The following FBXL2 variants were observed in gnomAD, a reference collection of about 807,000 sequenced individuals.
FBXL2 encodes F-box/LRR-repeat protein 2.
Under a neutral mutation model 69.2 loss-of-function variants are expected in FBXL2, and 38 were observed. The ratio of observed to expected loss-of-function variants is 0.55; its 90% confidence interval spans 0.42 to 0.72. The LOEUF (loss-of-function observed/expected upper bound fraction) is 0.72, where lower values mean the gene tolerates loss of function less well. FBXL2 is among the 30% of genes least tolerant of loss of function. The pLI is 0.00. For missense variants in FBXL2, 354 were observed against 520.3 expected, an observed-to-expected ratio of 0.68 and a Z score of 3.11; for synonymous variants, 192 against 201.3, an observed-to-expected ratio of 0.95 and a Z score of 0.39.
At chr3:33,352,934 C>T (rs1268847825) in intron 2 of FBXL2, among the ~76,000 whole-genome samples, 1 of 147,794 alleles carries the variant, frequency 6.8e-6, no homozygotes, top group Non-Finnish European at 1.5e-5. Flanking sequence ...CAAAAAAACC[C>T]ATCTCAATAG....
intron 5 of FBXL2, among the ~76,000 whole-genome samples, chr3:33,366,736 G>C (rs2041974112): frequency 6.6e-6 from 1 of 152,046 alleles, no homozygotes; most frequent in Non-Finnish European, 1.5e-5. Flanking sequence ...AGACTGAGGC[G>C]GGTGGATCAC....
the FBXL2 span, chr3:33,414,110 G>A: frequency 1.3e-5 from 2 of 152,056 alleles, no homozygotes; most frequent in South Asian, 2.1e-4. Flanking sequence ...ATAAAAGGAG[G>A]ACCAAAGTTA....
chr3:33,374,025 G>A, intron 9 of FBXL2, 104 bp downstream of exon 9: 3 of 995,418 alleles, frequency 3.0e-6, no homozygotes, highest in Non-Finnish European at 4.7e-6. Flanking sequence ...GATGGGCTGT[G>A]TTGCCACACC....
intron 2 of FBXL2, among the ~76,000 whole-genome samples, chr3:33,300,160 T>C (rs1185151636): frequency 1.3e-5 from 2 of 152,186 alleles, no homozygotes; most frequent in Non-Finnish European, 1.5e-5. Context: ...TTCTCATGCA[T>C]ACTTCTGCTG....
intron 1 of FBXL2, among the ~76,000 whole-genome samples, chr3:33,279,258 C>A (rs922858135): frequency 6.6e-6 from 1 of 151,906 alleles, no homozygotes; most frequent in Non-Finnish European, 1.5e-5. Flanking sequence ...TATATGTCAT[C>A]CCCAAAACTG....
chr3:33,342,016 T>C (rs1381925081), intron 2 of FBXL2, among the ~76,000 whole-genome samples: 1 of 143,894 alleles, frequency 6.9e-6, no homozygotes, highest in Non-Finnish European at 1.5e-5. Flanking sequence ...TTTTTTTTTT[T>C]TTTTTTGAGA....
At chr3:33,297,997 G>A (rs1333110810) in intron 2 of FBXL2, 1 of 439,278 alleles carries the variant, frequency 2.3e-6, no homozygotes, top group African/African-American at 2.0e-5. Context: ...AGGTGCCATT[G>A]TTTTGTTTTC....
Position 33,387,283 on chromosome 3 carries a change from G to GAATT in FBXL2, c.*1677_*1680dup, listed in dbSNP as rs1029254984. The stretch of plus-strand genomic sequence containing the variant: ...ATAACAGACTTGCTTCAGTGATTAT[G>GAATT]AATTAGTTTAGTTTCTATTAAAAAA... On this transcript the variant is annotated 3_prime_UTR_variant, in exon 15 of 15. Coordinates refer to ENST00000484457, the MANE Select transcript of FBXL2 (RefSeq NM_012157.5). 3 of 152,148 alleles carry GAATT rather than the reference G, an allele frequency of 2.0e-5. No individual in the cohort carries two copies. Among genetic ancestry groups the GAATT allele is most frequent in the African/African-American group, 7.2e-5 (3 of 41,418 alleles). The allele number at this position is 152,148 out of a possible 1,614,324, so 9.4% of individuals were successfully genotyped here. A position where few individuals can be genotyped will look rare whatever the true frequency, so the allele number is the denominator to read the frequency against.
At chr3:33,283,225 A>G (rs1361759626) in intron 1 of FBXL2, among the ~76,000 whole-genome samples, 2 of 152,156 alleles carry the variant, frequency 1.3e-5, no homozygotes, top group East Asian at 3.8e-4. Context: ...ATGTTCCATC[A>G]TTACCTAGTT....
At chr3:33,396,907 G>A in intron 12 of FBXL2, 1 of 804,646 alleles carries the variant, frequency 1.2e-6, no homozygotes, top group Non-Finnish European at 2.1e-6. Flanking sequence ...CAGTCTTCTT[G>A]TGAGCACAAT....
At chr3:33,342,501 T>C (rs892674415) in intron 2 of FBXL2, among the ~76,000 whole-genome samples, 1 of 151,628 alleles carries the variant, frequency 6.6e-6, no homozygotes, top group Non-Finnish European at 1.5e-5. Flanking sequence ...GAGTTTCTGA[T>C]AATGTTAGCA....
intron 2 of FBXL2, among the ~76,000 whole-genome samples, chr3:33,327,818 C>T (rs970439355): frequency 2.6e-5 from 4 of 152,010 alleles, no homozygotes; most frequent in Non-Finnish European, 5.9e-5. Flanking sequence ...CATTTATATT[C>T]AGCATGATAC....
chr3:33,368,214 G>C (rs772497578), intron 5 of FBXL2, among the ~76,000 whole-genome samples: 10 of 152,154 alleles, frequency 6.6e-5, no homozygotes, highest in Admixed American at 5.2e-4. Context: ...CAGTAGGTCA[G>C]GTTGGTTGAT....
intron 1 of FBXL2, among the ~76,000 whole-genome samples, chr3:33,280,962 A>G (rs918098106): frequency 3.3e-5 from 5 of 152,130 alleles, no homozygotes; most frequent in Non-Finnish European, 7.3e-5. Context: ...TGTGGTCAAG[A>G]CTTGTCACAG....
rs115832559 is a variant in FBXL2, at chr3:33,377,349, A to G, written c.849+16A>G. On this transcript the variant is annotated intron_variant, in intron 11 of 14. Coordinates refer to ENST00000484457, the MANE Select transcript of FBXL2 (RefSeq NM_012157.5). ...TTTAGCTCGGGTAAGGCATAGATTT[A>G]AAGAATACAACCAAACTCTAATTCA... 1 of 1,613,428 alleles carries G rather than the reference A, an allele frequency of 6.2e-7. No individual in the cohort carries two copies. The highest frequency in any genetic ancestry group is 8.5e-7 in the Non-Finnish European group (1 of 1,179,374).
At position 33,373,094 on chromosome 3, in the gene FBXL2, C is replaced by T. The variant is rs761739877; in HGVS notation, c.293C>T (p.Thr98Ile). Reference sequence around the variant, plus strand: ...TTTAAAATGTTTTCTCATTTTAGGACCTTTGCACAGAACTGCCGAAACATT... The same window carrying T: ...TTTAAAATGTTTTCTCATTTTAGGATCTTTGCACAGAACTGCCGAAACATT... The part of the protein sequence containing the change: ...CIGVGDSSLK[T>I]FAQNCRNIEH... Residue 98 changes from threonine to isoleucine, a missense_variant and splice_region_variant, in exon 6 of 15, where the codon ACC (threonine) becomes ATC (isoleucine). Transcript: ENST00000484457. 6.2e-7 allele frequency: 1 copy of T among 1,614,044 alleles called. No individual in the cohort carries two copies. The highest frequency in any genetic ancestry group is 1.3e-5 in the African/African-American group (1 of 75,036).
At chr3:33,370,153 G>A (rs1055969845) in intron 5 of FBXL2, among the ~76,000 whole-genome samples, 2 of 151,848 alleles carry the variant, frequency 1.3e-5, no homozygotes, top group Admixed American at 6.6e-5. Context: ...AGTGGCTCAC[G>A]CCTGTAATCC....
At chr3:33,393,489 A>G (rs758121594) in intron 12 of FBXL2, 8 of 1,584,858 alleles carry the variant, frequency 5.0e-6, no homozygotes, top group Non-Finnish European at 6.9e-6. Context: ...AAGCATTTTA[A>G]CAGTAATCTT....
chr3:33,343,004 T>G (rs1243847557), intron 2 of FBXL2, among the ~76,000 whole-genome samples: 2 of 150,494 alleles, frequency 1.3e-5, no homozygotes, highest in East Asian at 3.9e-4. Flanking sequence ...CTTCCCAAAG[T>G]GCTAGGATTA....
Sources: gnomAD v4.1 joint callset for allele counts (sites outside exome capture counted in the v4.1 genomes callset) on GRCh38, gnomAD v4.1.1 for gene constraint, MANE v1.5 for transcripts, NCBI Gene and HGNC (gene_info 2026-07-23, HGNC 2026-07-21) for gene names.